GPHN: variants seen among roughly 807,000 people sequenced by gnomAD.
GPHN encodes the protein gephyrin.
GPHN carries 17 observed loss-of-function variants against 95.5 expected under a neutral mutation model. That is an observed-to-expected ratio of 0.18 (90% CI 0.12 to 0.27). GPHN has a LOEUF of 0.27. Among genes scored for constraint, GPHN ranks in the 10% least tolerant of loss-of-function variants. The pLI, the probability that GPHN is intolerant of heterozygous loss-of-function variation, is 1.00. For synonymous variants in GPHN, 320 were observed against 322.5 expected, an observed-to-expected ratio of 0.99 and a Z score of 0.08; for missense variants, 660 against 978.1, an observed-to-expected ratio of 0.67 and a Z score of 4.34.
chr14:66,743,968 C>T (rs1314797131), intron 2 of GPHN, among the ~76,000 whole-genome samples: 3 of 152,104 alleles, frequency 2.0e-5, no homozygotes, highest in Non-Finnish European at 4.4e-5. Flanking sequence ...CATCATTACC[C>T]TCAGAATTAA....
At chr14:66,541,056 T>G (rs1234560654) in intron 1 of GPHN, among the ~76,000 whole-genome samples, 6 of 152,180 alleles carry the variant, frequency 3.9e-5, no homozygotes, top group Admixed American at 3.9e-4. Flanking sequence ...CAAGTGATTC[T>G]CGTGCCTCAG....
the GPHN span, chr14:67,725,109 C>T: frequency 6.2e-7 from 1 of 1,614,190 alleles, no homozygotes. Flanking sequence ...GAGCCCGAGT[C>T]TATATTGCCT....
intron 17 of GPHN, among the ~76,000 whole-genome samples, chr14:67,127,226 A>C (rs1413798255): frequency 1.3e-5 from 2 of 150,814 alleles, no homozygotes; most frequent in Non-Finnish European, 2.9e-5. Context: ...CACAATGTGC[A>C]CATGTACCCT....
At chr14:67,623,063 C>T in the GPHN span, among the ~76,000 whole-genome samples, 1 of 152,122 alleles carries the variant, frequency 6.6e-6, no homozygotes, top group African/African-American at 2.4e-5. Flanking sequence ...TTCCCTTTGA[C>T]TTTTTTTCTC....
intron 1 of GPHN, among the ~76,000 whole-genome samples, chr14:66,516,139 TG>T (rs1282309545): frequency 6.6e-6 from 1 of 151,608 alleles, no homozygotes; most frequent in Non-Finnish European, 1.5e-5. Context: ...CCCGAGTAGC[TG>T]GGATTACAGG....
chr14:67,674,409 C>T, the GPHN span: 19 of 1,605,692 alleles, frequency 1.2e-5, no homozygotes, highest in Middle Eastern at 6.7e-4. Flanking sequence ...GCTCGGGCAC[C>T]CCTTGTAGGT....
At chr14:67,143,147 G>A in intron 17 of GPHN, 1 of 502,686 alleles carries the variant, frequency 2.0e-6, no homozygotes, top group South Asian at 2.1e-5. Flanking sequence ...GAAATCGCCA[G>A]TAGCCACTAC....
intron 17 of GPHN, among the ~76,000 whole-genome samples, chr14:67,136,828 G>A (rs554334119): frequency 1.3e-5 from 2 of 152,152 alleles, no homozygotes; most frequent in Admixed American, 6.5e-5. Context: ...ACAATGGTTA[G>A]GTATTTAATT....
chr14:67,370,661 A>G, the GPHN span, among the ~76,000 whole-genome samples: 3,155 of 152,314 alleles, frequency 0.021, 44 homozygotes, highest in Middle Eastern at 0.034. Context: ...ACTGACCAAT[A>G]TAAAATAGAA....
chr14:67,728,703 T>TAG, the GPHN span, among the ~76,000 whole-genome samples: 7 of 142,154 alleles, frequency 4.9e-5, no homozygotes, highest in Non-Finnish European at 6.1e-5. Context: ...GGATATCTTG[T>TAG]GGGGGGGGGG....
chr14:67,168,482 A>G (rs2082409231), intron 20 of GPHN, among the ~76,000 whole-genome samples: 2 of 152,170 alleles, frequency 1.3e-5, no homozygotes, highest in African/African-American at 4.8e-5. Flanking sequence ...CAGGTAGAGA[A>G]GATTATAAAT....
At chr14:67,359,957 T>G in the GPHN span, 35 of 553,496 alleles carry the variant, frequency 6.3e-5, no homozygotes, top group South Asian at 7.8e-4. Context: ...TCAATTCCGG[T>G]TCGCCTCCCA....
chr14:66,666,216 G>T (rs554452530), intron 1 of GPHN, among the ~76,000 whole-genome samples: 1 of 151,500 alleles, frequency 6.6e-6, no homozygotes, highest in African/African-American at 2.4e-5. Context: ...AAACCTGCAC[G>T]TTGTGCACAT....
At chr14:67,211,323 A>G in the GPHN span, among the ~76,000 whole-genome samples, 1 of 152,168 alleles carries the variant, frequency 6.6e-6, no homozygotes, top group African/African-American at 2.4e-5. Context: ...AAAAAACCTA[A>G]TGTAGATTTG....
the GPHN span, among the ~76,000 whole-genome samples, chr14:67,637,168 G>T: frequency 1.3e-5 from 2 of 152,014 alleles, no homozygotes; most frequent in Non-Finnish European, 2.9e-5. Context: ...CTAGCGCTTT[G>T]GGAGGCTGAA....
intron 1 of GPHN, among the ~76,000 whole-genome samples, chr14:66,586,286 C>A (rs1179186846): frequency 6.6e-6 from 1 of 151,600 alleles, no homozygotes; most frequent in East Asian, 1.9e-4. Context: ...TGTGTGTCTG[C>A]ATGTGAGATG....
At chr14:67,387,545 G>T in the GPHN span, 1 of 1,283,724 alleles carries the variant, frequency 7.8e-7, no homozygotes, top group Non-Finnish European at 1.1e-6. Context: ...CTGAGACATG[G>T]ACAAAAACAT....
intron 9 of GPHN, among the ~76,000 whole-genome samples, chr14:66,992,875 C>T (rs1022475912): frequency 3.3e-5 from 5 of 152,112 alleles, no homozygotes; most frequent in African/African-American, 1.2e-4. Flanking sequence ...TATAACCATG[C>T]TCATTCATTT....
chr14:67,652,207 C>T, the GPHN span: 2 of 152,304 alleles, frequency 1.3e-5, no homozygotes, highest in East Asian at 3.9e-4. Flanking sequence ...TGTTAGCACT[C>T]GAGGATTTTG....
Sources: gnomAD v4.1 joint callset for allele counts (sites outside exome capture counted in the v4.1 genomes callset) on GRCh38, gnomAD v4.1.1 for gene constraint, MANE v1.5 for transcripts, NCBI Gene and HGNC (gene_info 2026-07-23, HGNC 2026-07-21) for gene names.